The following MAGI1 variants were observed in gnomAD, a reference collection of about 807,000 sequenced individuals.
MAGI1 encodes the protein membrane associated guanylate kinase, WW and PDZ domain containing 1.
MAGI1 carries 58 observed loss-of-function variants against 139.9 expected under a neutral mutation model. That is an observed-to-expected ratio of 0.41 (90% CI 0.34 to 0.52). The LOEUF is 0.52. Ranked by LOEUF, MAGI1 falls within the 20% of genes least tolerant of loss-of-function variation. MAGI1 has a pLI of 0.12. For synonymous variants in MAGI1, 812 were observed against 737.9 expected, an observed-to-expected ratio of 1.10 and a Z score of -1.63; for missense variants, 1,874 against 1,901.6, an observed-to-expected ratio of 0.99 and a Z score of 0.27.
intron 6 of MAGI1, 82 bp from the exon 7 acceptor site, chr3:65,448,139 T>G: frequency 6.4e-6 from 8 of 1,246,776 alleles, no homozygotes; most frequent in Non-Finnish European, 9.5e-6. Flanking sequence ...GGAAATCTCC[T>G]CAGGAAAACA....
intron 5 of MAGI1, among the ~76,000 whole-genome samples, chr3:65,462,592 G>C (rs1949882537): frequency 6.6e-6 from 1 of 152,050 alleles, no homozygotes; most frequent in Admixed American, 6.6e-5. Flanking sequence ...GGATTGTCTT[G>C]GCTACATGCT....
At chr3:66,014,671 G>A (rs536970511) in intron 1 of MAGI1, among the ~76,000 whole-genome samples, 115 of 152,270 alleles carry the variant, frequency 7.6e-4, no homozygotes, top group African/African-American at 2.2e-3. Context: ...TTTTTAATAG[G>A]TTCTTCTCAA....
At chr3:65,688,105 G>C (rs151225832) in intron 1 of MAGI1, 2 of 762,276 alleles carry the variant, frequency 2.6e-6, no homozygotes, top group Non-Finnish European at 4.7e-6. Flanking sequence ...ACTGCACATA[G>C]GTGTTGCTTG....
At chr3:65,957,993 A>C (rs1356632575) in intron 1 of MAGI1, among the ~76,000 whole-genome samples, 1 of 152,104 alleles carries the variant, frequency 6.6e-6, no homozygotes, top group African/African-American at 2.4e-5. Context: ...TCTTGACCTC[A>C]GGTGATACAC....
intron 12 of MAGI1, chr3:65,401,970 T>C: frequency 2.3e-6 from 2 of 859,224 alleles, no homozygotes; most frequent in Non-Finnish European, 2.8e-6. Context: ...TCCTCTGCCT[T>C]TCGGAAGAGG....
chr3:65,848,754 C>T (rs2059096021), intron 1 of MAGI1, among the ~76,000 whole-genome samples: 1 of 152,006 alleles, frequency 6.6e-6, no homozygotes, highest in Non-Finnish European at 1.5e-5. Flanking sequence ...TGTTCTTGAT[C>T]GTTATTTAAA....
At chr3:65,809,974 CCTCT>C (rs146092715) in intron 1 of MAGI1, among the ~76,000 whole-genome samples, 29 of 149,870 alleles carry the variant, frequency 1.9e-4, no homozygotes, top group Admixed American at 6.7e-4. Context: ...TCACATATAT[CCTCT>C]CTCTCTCTCT....
Position 65,824,288 on chromosome 3 carries a change from A to G in MAGI1, c.314-202200T>C, listed in dbSNP as rs531042188. On this transcript the variant is annotated intron_variant, in intron 1 of 22. Transcript: ENST00000402939. ...TGGAGGACGGATGTAAATAATGGCC[A>G]GAGCTGCAGATGTGCAAATAGTAGG... Among the ~76,000 whole-genome samples the G allele has an allele frequency of 5.9e-5, 9 of 152,344 alleles. 2 individuals are homozygous for G. In the South Asian group the frequency reaches 1.9e-3, roughly 32 times the overall value.
At chr3:65,716,485 G>T (rs1035950766) in intron 1 of MAGI1, among the ~76,000 whole-genome samples, 1 of 152,202 alleles carries the variant, frequency 6.6e-6, no homozygotes, top group Non-Finnish European at 1.5e-5. Context: ...CAATTAGGCC[G>T]ACACAAAGGC....
At chr3:65,765,978 T>G (rs2037436410) in intron 1 of MAGI1, among the ~76,000 whole-genome samples, 1 of 152,190 alleles carries the variant, frequency 6.6e-6, no homozygotes, top group Non-Finnish European at 1.5e-5. Context: ...CATCCCAGCC[T>G]CGGTCCCATC....
At chr3:65,424,171 G>T (rs550348697) in intron 12 of MAGI1, among the ~76,000 whole-genome samples, 28 of 152,264 alleles carry the variant, frequency 1.8e-4, no homozygotes, top group African/African-American at 6.0e-4. Context: ...CTTGAACATA[G>T]TAAGTACTCA....
intron 1 of MAGI1, among the ~76,000 whole-genome samples, chr3:65,638,974 C>G (rs1247664365): frequency 6.6e-6 from 1 of 152,094 alleles, no homozygotes; most frequent in Admixed American, 6.6e-5. Flanking sequence ...GTCTCAAAAT[C>G]CTGAGCTCAA....
At chr3:65,548,840 G>A (rs989833947) in intron 2 of MAGI1, among the ~76,000 whole-genome samples, 18 of 152,124 alleles carry the variant, frequency 1.2e-4, no homozygotes, top group African/African-American at 4.1e-4. Flanking sequence ...ACACTCTTAA[G>A]CTCAAAATGC....
At chr3:65,581,282 T>C (rs996182141) in intron 2 of MAGI1, among the ~76,000 whole-genome samples, 2 of 152,050 alleles carry the variant, frequency 1.3e-5, no homozygotes, top group Non-Finnish European at 2.9e-5. Context: ...ATGACTTGTA[T>C]ATGAACCTTT....
At chr3:65,404,006 G>A (rs1271080978) in intron 12 of MAGI1, among the ~76,000 whole-genome samples, 1 of 152,168 alleles carries the variant, frequency 6.6e-6, no homozygotes, top group Non-Finnish European at 1.5e-5. Context: ...ATGCCACACT[G>A]CAGAATGGCA....
intron 1 of MAGI1, among the ~76,000 whole-genome samples, chr3:65,753,662 A>C (rs2036337270): frequency 6.6e-6 from 1 of 150,508 alleles, no homozygotes; most frequent in South Asian, 2.1e-4. Context: ...CAGAGGTTCC[A>C]GTGAGCCAAG....
At chr3:65,983,736 G>A (rs1242037482) in intron 1 of MAGI1, among the ~76,000 whole-genome samples, 1 of 152,122 alleles carries the variant, frequency 6.6e-6, no homozygotes, top group Non-Finnish European at 1.5e-5. Flanking sequence ...CTCCTAGAGA[G>A]AACATTAGTT....
intron 1 of MAGI1, among the ~76,000 whole-genome samples, chr3:65,818,715 C>T (rs1035286274): frequency 7.2e-5 from 11 of 152,114 alleles, no homozygotes; most frequent in African/African-American, 2.7e-4. Flanking sequence ...CTGAAGAACT[C>T]ATACATCTTA....
At chr3:66,029,503 T>C (rs947335212) in intron 1 of MAGI1, among the ~76,000 whole-genome samples, 46 of 152,270 alleles carry the variant, frequency 3.0e-4, no homozygotes, top group African/African-American at 1.0e-3. Context: ...TTCATGACAC[T>C]GGAGATGGTA....
Sources: gnomAD v4.1 joint callset for allele counts (sites outside exome capture counted in the v4.1 genomes callset) on GRCh38, gnomAD v4.1.1 for gene constraint, MANE v1.5 for transcripts, NCBI Gene and HGNC (gene_info 2026-07-23, HGNC 2026-07-21) for gene names.